Variants in CDH11 observed in about 807,000 individuals in gnomAD.
CDH11 encodes cadherin-11.
A neutral mutation model predicts 67.8 loss-of-function variants in CDH11; 11 were observed. The ratio of observed to expected loss-of-function variants is 0.16; its 90% confidence interval spans 0.10 to 0.27. CDH11 has a LOEUF of 0.27. Among genes scored for constraint, CDH11 ranks in the 10% least tolerant of loss-of-function variants. The probability of loss-of-function intolerance (pLI) is 1.00; values close to 1 mark genes in which losing one functional copy is unlikely to be tolerated. For synonymous variants in CDH11, 419 were observed against 400.0 expected (o/e 1.05, Z -0.57); for missense variants, 847 against 1,031.2 (o/e 0.82, Z 2.45).
chr16:65,105,658 A>C (rs2075055211), intron 1 of CDH11, among the ~76,000 whole-genome samples: 1 of 152,206 alleles, frequency 6.6e-6, no homozygotes, highest in South Asian at 2.1e-4. Flanking sequence ...ATGCAGGTAG[A>C]GTTGATATTT....
intron 1 of CDH11, among the ~76,000 whole-genome samples, chr16:65,064,277 ACT>A (rs953247598): frequency 1.3e-5 from 2 of 152,060 alleles, no homozygotes; most frequent in Non-Finnish European, 2.9e-5. Flanking sequence ...GGCCTCCATG[ACT>A]CTTCAGTTCT....
At chr16:65,058,635 TA>T (rs2074187499) in intron 1 of CDH11, among the ~76,000 whole-genome samples, 1 of 152,206 alleles carries the variant, frequency 6.6e-6, no homozygotes, top group Non-Finnish European at 1.5e-5. Flanking sequence ...ACCCATATGG[TA>T]AAGCATATTT....
chr16:65,030,503 C>A (rs1028760989), intron 2 of CDH11, among the ~76,000 whole-genome samples: 1 of 152,144 alleles, frequency 6.6e-6, no homozygotes, highest in Non-Finnish European at 1.5e-5. Flanking sequence ...AGTGCCCATG[C>A]GTAGTCCTCA....
intron 1 of CDH11, among the ~76,000 whole-genome samples, chr16:65,098,176 G>A (rs2074931570): frequency 6.6e-6 from 1 of 152,128 alleles, no homozygotes; most frequent in Non-Finnish European, 1.5e-5. Context: ...GGTATCTTCA[G>A]GGAAAGAACA....
Position 64,971,632 on chromosome 16 carries a change from C to T in CDH11, c.1589G>A (p.Ser530Asn). 1.9e-6 allele frequency: 3 copies of T among 1,613,738 alleles called. No homozygotes were observed. Among genetic ancestry groups the T allele is most frequent in the Non-Finnish European group, 1.7e-6 (2 of 1,179,852 alleles). Reference sequence around the variant, plus strand: ...ATTGTGAATGATTTCAGGGGGTAGGCTGAAGATAAATCTTGGTCCATTGGC... The same window carrying T: ...ATTGTGAATGATTTCAGGGGGTAGGTTGAAGATAAATCTTGGTCCATTGGC... ...DTANGPRFIFSLPPEIIHNPN... is the reference protein window; with the variant it reads ...DTANGPRFIFNLPPEIIHNPN... The change falls in exon 11 of 13, where the codon AGC becomes AAC. Residue 530 changes from serine to asparagine, a missense_variant. Around this residue, in one of 2 missense-constraint regions of CDH11, gnomAD observed 612 missense variants for 678.7 expected, o/e 0.90. Coordinates refer to ENST00000268603, the MANE Select transcript of CDH11 (RefSeq NM_001797.4).
chr16:65,121,924 T>G lies in CDH11; in HGVS notation c.-342A>C, dbSNP rs998683828. The stretch of plus-strand genomic sequence containing the variant: ...ACGCAACCTCCGAGCCGCCAGTCCC[T>G]GGCGCAGGGCAAGCGCTGCGGTGTC... On this transcript the variant is annotated 5_prime_UTR_variant, in exon 1 of 13. Transcript: ENST00000268603. The surrounding 1 kb of genome is among the most constrained non-coding windows in gnomAD (Gnocchi z 4.1). The G allele has an allele frequency of 7.1e-6, 5 of 701,648 alleles. No individual in the cohort carries two copies. The highest frequency in any genetic ancestry group is 1.0e-5 in the Non-Finnish European group (4 of 384,596). 43.5% of individuals were successfully genotyped at this position (701,648 alleles called of 1,614,324 possible). A position where few individuals can be genotyped will look rare whatever the true frequency, so the allele number is the denominator to read the frequency against.
intron 1 of CDH11, among the ~76,000 whole-genome samples, chr16:65,086,527 C>T (rs1597176568): frequency 6.6e-6 from 1 of 152,296 alleles, no homozygotes; most frequent in South Asian, 2.1e-4. Context: ...TATGAAGGCA[C>T]CTTCCTGTAA....
At chr16:65,026,980 A>G (rs1267500748) in intron 2 of CDH11, among the ~76,000 whole-genome samples, 2 of 152,208 alleles carry the variant, frequency 1.3e-5, no homozygotes, top group East Asian at 3.9e-4. Context: ...GTAAGATCTT[A>G]TAAGCTAATC....
intron 2 of CDH11, among the ~76,000 whole-genome samples, chr16:65,010,952 C>CATATATATATATAT (rs200372447): frequency 4.4e-5 from 6 of 135,874 alleles, no homozygotes; most frequent in African/African-American, 1.3e-4. Context: ...ATATGTGTGA[C>CATATATATATATAT]ATATATATAT....
intron 11 of CDH11, among the ~76,000 whole-genome samples, chr16:64,960,639 G>A (rs2071647341): frequency 6.6e-6 from 1 of 152,042 alleles, no homozygotes; most frequent in African/African-American, 2.4e-5. Flanking sequence ...CCTGCACATG[G>A]ACATGTGAGA....
At chr16:65,019,117 T>A (rs2073373368) in intron 2 of CDH11, among the ~76,000 whole-genome samples, 2 of 152,338 alleles carry the variant, frequency 1.3e-5, no homozygotes, top group South Asian at 2.1e-4. Flanking sequence ...CCATTTTATA[T>A]TTGACAATGT....
intron 3 of CDH11, among the ~76,000 whole-genome samples, chr16:65,000,583 G>A (rs2072896377): frequency 6.6e-6 from 1 of 152,144 alleles, no homozygotes; most frequent in South Asian, 2.1e-4. Flanking sequence ...GATCACTTGA[G>A]GTCGGGGGTT....
intron 1 of CDH11, among the ~76,000 whole-genome samples, chr16:65,060,122 C>A (rs2142737553): frequency 6.6e-6 from 1 of 152,186 alleles, no homozygotes; most frequent in Non-Finnish European, 1.5e-5. Flanking sequence ...TTTATTTCTG[C>A]CTCATGAAAG....
In CDH11 at chr16:65,001,569, C is replaced by T. The variant is rs563750891; in HGVS notation, c.229-2713G>A. Reference sequence around the variant, plus strand: ...CCCAGACATTGAATCTTTCTAGAGGCCTTCATATATTACATGTGAATTTGG... The same window carrying T: ...CCCAGACATTGAATCTTTCTAGAGGTCTTCATATATTACATGTGAATTTGG... On this transcript the variant is annotated intron_variant, in intron 3 of 12. Transcript: ENST00000268603. Among the ~76,000 whole-genome samples the T allele has an allele frequency of 1.3e-5, 2 of 152,138 alleles. 1 individual carries two copies. The highest frequency in any genetic ancestry group is 1.3e-4 in the Admixed American group (2 of 15,288).
chr16:65,082,898 T>C (rs2074634483), intron 1 of CDH11, among the ~76,000 whole-genome samples: 1 of 152,190 alleles, frequency 6.6e-6, no homozygotes, highest in African/African-American at 2.4e-5. Context: ...CCTATGACAT[T>C]GATGCTTTAC....
chr16:65,101,228 T>C (rs368069593), intron 1 of CDH11, among the ~76,000 whole-genome samples: 2 of 152,168 alleles, frequency 1.3e-5, no homozygotes, highest in Admixed American at 1.3e-4. Flanking sequence ...TAATCCATCA[T>C]TGCTGAGACA....
chr16:65,104,056 G>T (rs2142864824), intron 1 of CDH11, among the ~76,000 whole-genome samples: 1 of 152,246 alleles, frequency 6.6e-6, no homozygotes, highest in Non-Finnish European at 1.5e-5. Context: ...GAGTTATCAT[G>T]AAATTACAAT....
At chr16:65,011,340 G>A (rs2073180912) in intron 2 of CDH11, among the ~76,000 whole-genome samples, 1 of 152,074 alleles carries the variant, frequency 6.6e-6, no homozygotes, top group South Asian at 2.1e-4. Flanking sequence ...AAGATTGCAT[G>A]ACCAACTCCA....
intron 1 of CDH11, among the ~76,000 whole-genome samples, chr16:65,105,293 C>G (rs930234323): frequency 6.6e-6 from 1 of 152,084 alleles, no homozygotes; most frequent in Non-Finnish European, 1.5e-5. Flanking sequence ...AAGGCTGAAC[C>G]GAATATAGAG....
Sources: gnomAD v4.1 joint callset for allele counts (sites outside exome capture counted in the v4.1 genomes callset) on GRCh38, gnomAD v4.1.1 for gene constraint, gnomAD v4.1.1 regional missense constraint, Gnocchi (gnomAD v3.1) non-coding constraint, MANE v1.5 for transcripts, NCBI Gene and HGNC (gene_info 2026-07-23, HGNC 2026-07-21) for gene names.